The following MIR2052HG variants were observed in gnomAD, a reference collection of about 807,000 sequenced individuals.
MIR2052HG encodes the protein MIR2052 host gene.
At chr8:74,689,691 A>G (rs1809219673) in intron 2 of MIR2052HG, among the ~76,000 whole-genome samples, 1 of 152,258 alleles carries the variant, frequency 6.6e-6, no homozygotes, top group African/African-American at 2.4e-5. Flanking sequence ...AAAGAAGGAT[A>G]AGTCACAATC....
chr8:74,745,014 C>G lies in MIR2052HG; in HGVS notation n.372-7427C>G, dbSNP rs188098862. Among the ~76,000 whole-genome samples, 63 of 152,204 alleles carry G rather than the reference C, an allele frequency of 4.1e-4. 1 individual carries two copies. Among genetic ancestry groups the G allele is most frequent in the African/African-American group, 1.4e-3 (58 of 41,526 alleles). Reference sequence around the variant, plus strand: ...GTGTGGTGGATCATTCCTGTAATCTCAGCACTGTGAGAGTCTGAGAATTGC... The same window carrying G: ...GTGTGGTGGATCATTCCTGTAATCTGAGCACTGTGAGAGTCTGAGAATTGC... On this transcript the variant is annotated intron_variant and non_coding_transcript_variant, in intron 4 of 6. Transcript: ENST00000523442.
At chr8:74,732,087 GC>G (rs1809698340) in intron 4 of MIR2052HG, among the ~76,000 whole-genome samples, 1 of 152,090 alleles carries the variant, frequency 6.6e-6, no homozygotes, top group Non-Finnish European at 1.5e-5. Context: ...CATGAGTTCT[GC>G]ATCTGTAGCT....
At position 74,649,750 on chromosome 8, in the gene MIR2052HG, G is replaced by A. The variant is rs543660298; in HGVS notation, n.216+36810G>A. Among the ~76,000 whole-genome samples the A allele has an allele frequency of 1.0e-3, 159 of 152,018 alleles. 4 individuals are homozygous for A. Among genetic ancestry groups the A allele is most frequent in the Non-Finnish European group, 4.9e-4 (33 of 67,982 alleles). ...ATGTTTCTCATGGGTAGTTTGAAGAGTTTAGAGAAGTGCATGTTTGAACAT... is the reference window on the plus strand; with the variant it reads ...ATGTTTCTCATGGGTAGTTTGAAGAATTTAGAGAAGTGCATGTTTGAACAT... On this transcript the variant is annotated intron_variant and non_coding_transcript_variant, in intron 2 of 6. Transcript: ENST00000523442.
chr8:74,746,567 A>AGTGTGTGTGTGTGT (rs72103010), intron 4 of MIR2052HG, among the ~76,000 whole-genome samples: 15,736 of 147,398 alleles, frequency 0.11, 1,094 homozygotes, highest in Non-Finnish European at 0.15. Context: ...GAGGAGAAGA[A>AGTGTGTGTGTGTGT]GTGTGTGTGT....
intron 4 of MIR2052HG, among the ~76,000 whole-genome samples, chr8:74,708,542 G>A (rs1274127140): frequency 1.3e-5 from 2 of 151,954 alleles, no homozygotes; most frequent in Non-Finnish European, 1.5e-5. Flanking sequence ...AATCCCAGGA[G>A]GTCTCTTCCT....
At position 74,699,755 on chromosome 8, in the gene MIR2052HG, A is replaced by G. The variant is rs542922120; in HGVS notation, n.217-2624A>G. Among the ~76,000 whole-genome samples, 3 of 152,200 alleles carry G rather than the reference A, an allele frequency of 2.0e-5. No individual in the cohort carries two copies. The East Asian group carries it at 5.8e-4, about 29-fold the overall frequency. On this transcript the variant is annotated intron_variant and non_coding_transcript_variant, in intron 2 of 6. Transcript: ENST00000523442. ...TCAGAAATCACCATCGCTGTAACCT[A>G]ACATCAACTTTTCCCCAAAAACCTG...
intron 2 of MIR2052HG, among the ~76,000 whole-genome samples, chr8:74,652,951 A>G (rs1462579848): frequency 6.6e-6 from 1 of 152,188 alleles, no homozygotes; most frequent in East Asian, 1.9e-4. Context: ...ACTGCATACA[A>G]TTTAGTTAGC....
At chr8:74,726,870 CT>C (rs1486354899) in intron 4 of MIR2052HG, among the ~76,000 whole-genome samples, 2 of 152,192 alleles carry the variant, frequency 1.3e-5, no homozygotes, top group African/African-American at 4.8e-5. Context: ...TGTTCATGGG[CT>C]GCCCAATATA....
At chr8:74,757,822 A>G (rs917573940) in intron 5 of MIR2052HG, 2 of 152,102 alleles carry the variant, frequency 1.3e-5, no homozygotes, top group African/African-American at 2.4e-5. Context: ...CCCTTTGAAA[A>G]TCAGATTTTA....
At chr8:74,676,800 A>G (rs1809057879) in intron 2 of MIR2052HG, among the ~76,000 whole-genome samples, 1 of 152,024 alleles carries the variant, frequency 6.6e-6, no homozygotes, top group Non-Finnish European at 1.5e-5. Flanking sequence ...AAGTGTACTT[A>G]CAACACACAC....
At chr8:74,645,022 T>C (rs535382395) in intron 2 of MIR2052HG, among the ~76,000 whole-genome samples, 41 of 152,340 alleles carry the variant, frequency 2.7e-4, no homozygotes, top group African/African-American at 9.9e-4. Flanking sequence ...CAAGTTGGAA[T>C]TGATTCTCCT....
intron 4 of MIR2052HG, among the ~76,000 whole-genome samples, chr8:74,734,230 T>A (rs1199700985): frequency 1.3e-5 from 2 of 152,184 alleles, no homozygotes; most frequent in Non-Finnish European, 2.9e-5. Flanking sequence ...TAGGCTTAAA[T>A]GTGACCTTTG....
intron 2 of MIR2052HG, among the ~76,000 whole-genome samples, chr8:74,653,075 A>G (rs928702347): frequency 1.3e-5 from 2 of 151,716 alleles, no homozygotes; most frequent in African/African-American, 2.4e-5. Context: ...CCTTTTCCCT[A>G]TTTTCTTCTG....
chr8:74,713,404 C>G (rs1376943513), intron 4 of MIR2052HG, among the ~76,000 whole-genome samples: 1 of 152,142 alleles, frequency 6.6e-6, no homozygotes, highest in African/African-American at 2.4e-5. Flanking sequence ...CTACTTGAAG[C>G]CTTCACTGAC....
chr8:74,609,497 G>C (rs1169288513), intron 1 of MIR2052HG, among the ~76,000 whole-genome samples: 5 of 151,646 alleles, frequency 3.3e-5, no homozygotes, highest in Non-Finnish European at 5.9e-5. Flanking sequence ...TGCAAAGGAA[G>C]AAAATTGCAT....
intron 2 of MIR2052HG, among the ~76,000 whole-genome samples, chr8:74,667,076 A>G (rs1355049535): frequency 6.6e-6 from 1 of 152,224 alleles, no homozygotes; most frequent in Non-Finnish European, 1.5e-5. Flanking sequence ...CTCATGCAAG[A>G]GGGATAAATC....
intron 2 of MIR2052HG, among the ~76,000 whole-genome samples, chr8:74,639,475 T>C (rs1464462834): frequency 6.6e-6 from 1 of 152,178 alleles, no homozygotes; most frequent in Non-Finnish European, 1.5e-5. Context: ...GGGAAGATAA[T>C]AGCTCAAATT....
chr8:74,695,875 G>A (rs1809290558), intron 2 of MIR2052HG, among the ~76,000 whole-genome samples: 1 of 152,002 alleles, frequency 6.6e-6, no homozygotes, highest in South Asian at 2.1e-4. Context: ...CAATAATAGT[G>A]GGGGACTTCA....
intron 1 of MIR2052HG, among the ~76,000 whole-genome samples, chr8:74,600,576 AAAAG>A (rs1807982942): frequency 1.3e-5 from 2 of 151,272 alleles, no homozygotes; most frequent in Non-Finnish European, 2.9e-5. Context: ...CTCAAAAAAA[AAAAG>A]AAAAAGGAAA....
Sources: allele counts gnomAD v4.1 joint callset (sites outside exome capture counted in the v4.1 genomes callset), GRCh38; gene constraint gnomAD v4.1.1; transcripts MANE v1.5; gene names NCBI Gene and HGNC (gene_info 2026-07-23, HGNC 2026-07-21).